Variants in STK33 observed in about 807,000 individuals in gnomAD.
The protein encoded by STK33 is serine/threonine-protein kinase 33.
In STK33, 52 loss-of-function variants were observed where a neutral mutation model predicts 58.0. That is an observed-to-expected ratio of 0.90 (90% CI 0.72 to 1.13). STK33 has a LOEUF of 1.13. Ranked by LOEUF, STK33 falls within the 50% of genes most tolerant of loss-of-function variation. The pLI is 0.00. For synonymous variants in STK33, 215 were observed against 200.1 expected (o/e 1.07, Z -0.63); for missense variants, 630 against 604.2 (o/e 1.04, Z -0.45).
chr11:8,454,896 T>C (rs1946668723), intron 9 of STK33, 64 bp from the exon 10 acceptor site: 12 of 1,398,100 alleles, frequency 8.6e-6, no homozygotes, highest in Admixed American at 2.8e-5. Flanking sequence ...GAGACACATA[T>C]AGATTAAATA....
At chr11:8,493,555 T>C (rs917587227) in intron 1 of STK33, among the ~76,000 whole-genome samples, 1 of 152,202 alleles carries the variant, frequency 6.6e-6, no homozygotes, top group Non-Finnish European at 1.5e-5. Flanking sequence ...TGAAACGATT[T>C]CAATCAATAG....
intron 14 of STK33, among the ~76,000 whole-genome samples, chr11:8,417,586 A>C (rs1197920825): frequency 6.6e-6 from 1 of 152,186 alleles, no homozygotes; most frequent in African/African-American, 2.4e-5. Context: ...AACATTCTGG[A>C]TCTTTAGCAT....
At chr11:8,433,515 A>G (rs1367941660) in intron 14 of STK33, among the ~76,000 whole-genome samples, 1 of 152,102 alleles carries the variant, frequency 6.6e-6, no homozygotes, top group Admixed American at 6.5e-5. Flanking sequence ...AAATCTTTCC[A>G]GTTTCAAACT....
chr11:8,415,745 A>C (rs1941025924), intron 14 of STK33, among the ~76,000 whole-genome samples: 1 of 152,140 alleles, frequency 6.6e-6, no homozygotes, highest in African/African-American at 2.4e-5. Flanking sequence ...TAAAACCATC[A>C]GGTCCAACAA....
At chr11:8,402,504 C>T (rs1938251114) in intron 15 of STK33, among the ~76,000 whole-genome samples, 1 of 152,152 alleles carries the variant, frequency 6.6e-6, no homozygotes, top group Admixed American at 6.5e-5. Context: ...TTAGGAGATA[C>T]ACCTAATGTT....
the STK33 span, among the ~76,000 whole-genome samples, chr11:8,385,779 C>CTT: frequency 7.0e-6 from 1 of 143,694 alleles, no homozygotes; most frequent in Non-Finnish European, 1.5e-5. Flanking sequence ...AATCCAGTTC[C>CTT]TTTTTTTTTT....
At chr11:8,593,811 G>A (rs1478342434) in intron 1 of STK33, 1 of 152,348 alleles carries the variant, frequency 6.6e-6, no homozygotes, top group African/African-American at 2.4e-5. Flanking sequence ...AGGTGAGACG[G>A]TGGAGATGAA....
chr11:8,513,694 A>G (rs2139546000), intron 1 of STK33, among the ~76,000 whole-genome samples: 1 of 152,220 alleles, frequency 6.6e-6, no homozygotes, highest in East Asian at 1.9e-4. Context: ...TTGGGGGTAT[A>G]TAGTAGGTGT....
At chr11:8,536,761 G>GTTGTTGTTTA (rs1955032548) in intron 1 of STK33, among the ~76,000 whole-genome samples, 1 of 148,628 alleles carries the variant, frequency 6.7e-6, no homozygotes, top group African/African-American at 2.5e-5. Context: ...TTCTTTTTTT[G>GTTGTTGTTTA]TTGTTGTTTA....
At chr11:8,514,626 A>G (rs1952614659) in intron 1 of STK33, among the ~76,000 whole-genome samples, 1 of 152,198 alleles carries the variant, frequency 6.6e-6, no homozygotes, top group Non-Finnish European at 1.5e-5. Context: ...CTACAGCAAT[A>G]GGCATCAAAT....
intron 1 of STK33, among the ~76,000 whole-genome samples, chr11:8,553,066 G>A (rs1250915362): frequency 1.3e-5 from 2 of 148,534 alleles, no homozygotes; most frequent in Non-Finnish European, 3.0e-5. Flanking sequence ...TGAGGCAGGA[G>A]GATCACTTGA....
chr11:8,534,994 C>T (rs1053838321), intron 1 of STK33, among the ~76,000 whole-genome samples: 4 of 152,062 alleles, frequency 2.6e-5, no homozygotes, highest in Admixed American at 6.6e-5. Context: ...CTTAGAAAGA[C>T]GTCAGAGAAG....
chr11:8,449,106 T>C (rs1049631682), intron 11 of STK33, among the ~76,000 whole-genome samples: 10 of 151,596 alleles, frequency 6.6e-5, no homozygotes, highest in African/African-American at 2.0e-4. Context: ...CCAGTTAGAA[T>C]GGCGGTCATT....
At chr11:8,412,744 G>T (rs941812435) in intron 15 of STK33, among the ~76,000 whole-genome samples, 2 of 152,194 alleles carry the variant, frequency 1.3e-5, no homozygotes, top group African/African-American at 4.8e-5. Context: ...ATGTTAATTA[G>T]ATTTCAAGAC....
rs555189576 is a variant in STK33, at chr11:8,570,558, C to G, written c.-466+23525G>C. The stretch of plus-strand genomic sequence containing the variant: ...AATGGATAAATCGATGGTGGTATAC[C>G]CACACAATGCAACACCACTCAGCAA... On this transcript the variant is annotated intron_variant, in intron 1 of 15. Transcript: ENST00000687296. Among the ~76,000 whole-genome samples, 3 of 152,140 alleles carry G rather than the reference C, an allele frequency of 2.0e-5. No individual in the cohort carries two copies. In the East Asian group the frequency reaches 5.8e-4, roughly 29 times the overall value.
At chr11:8,502,091 G>A (rs1311879032) in intron 1 of STK33, among the ~76,000 whole-genome samples, 2 of 152,032 alleles carry the variant, frequency 1.3e-5, no homozygotes, top group African/African-American at 2.4e-5. Context: ...ATTACATAGT[G>A]TGATGATTGT....
intron 1 of STK33, among the ~76,000 whole-genome samples, chr11:8,519,854 G>C (rs1283506485): frequency 1.3e-5 from 2 of 152,102 alleles, no homozygotes; most frequent in Non-Finnish European, 2.9e-5. Context: ...ATAATTAATA[G>C]CCTACCAACC....
intron 1 of STK33, among the ~76,000 whole-genome samples, chr11:8,532,100 C>T (rs1257554911): frequency 6.6e-6 from 1 of 152,194 alleles, no homozygotes; most frequent in African/African-American, 2.4e-5. Flanking sequence ...CTCAAAATAA[C>T]CTCACCAGCT....
chr11:8,466,245 A>G (rs1240381688), intron 6 of STK33: 1 of 152,254 alleles, frequency 6.6e-6, no homozygotes, highest in Non-Finnish European at 1.5e-5. Flanking sequence ...AACTCATTTC[A>G]GCATTAACTC....
Sources: allele counts gnomAD v4.1 joint callset (sites outside exome capture counted in the v4.1 genomes callset), GRCh38; gene constraint gnomAD v4.1.1; transcripts MANE v1.5; gene names NCBI Gene and HGNC (gene_info 2026-07-23, HGNC 2026-07-21).